Variants in SLC1A2 observed in about 807,000 individuals in gnomAD.
SLC1A2 encodes solute carrier family 1 member 2, also known as excitatory amino acid transporter 2.
Under a neutral mutation model 48.8 loss-of-function variants are expected in SLC1A2, and 15 were observed. That is an observed-to-expected ratio of 0.31 (90% CI 0.21 to 0.47). SLC1A2 has a LOEUF of 0.47. Among genes scored for constraint, SLC1A2 ranks in the 20% least tolerant of loss-of-function variants. The pLI is 0.99. For missense variants in SLC1A2, 502 were observed against 730.5 expected, an observed-to-expected ratio of 0.69 and a Z score of 3.61; for synonymous variants, 279 against 272.6, an observed-to-expected ratio of 1.02 and a Z score of -0.23.
At chr11:35,309,298 C>G (rs548042406) in intron 4 of SLC1A2, among the ~76,000 whole-genome samples, 1 of 152,314 alleles carries the variant, frequency 6.6e-6, no homozygotes, top group East Asian at 1.9e-4. Flanking sequence ...TCTCCTCCCC[C>G]CGTGGCATCC....
intron 1 of SLC1A2, among the ~76,000 whole-genome samples, chr11:35,340,303 T>A (rs180830055): frequency 1.8e-4 from 27 of 152,348 alleles, no homozygotes; most frequent in African/African-American, 6.5e-4. Flanking sequence ...ATCTGGGCAC[T>A]GCTGGAGCCA....
Position 35,254,606 on chromosome 11 carries a change from T to G in SLC1A2, c.*6288A>C. 3.1e-6 allele frequency: 1 copy of G among 326,188 alleles called. No homozygotes were observed. The highest frequency in any genetic ancestry group is 2.4e-5 in the South Asian group (1 of 41,662). 20.2% of individuals were successfully genotyped at this position (326,188 alleles called of 1,614,324 possible). A position where few individuals can be genotyped will look rare whatever the true frequency, so the allele number is the denominator to read the frequency against. ...AACAGTGCCCCAGAAGGAGTGAGGC[T>G]CCGACTGCAACATCTCCATCTCCAG... On this transcript the variant is annotated 3_prime_UTR_variant, in exon 11 of 11. Transcript: ENST00000278379.
chr11:35,268,662 CAA>C (rs56207184), intron 9 of SLC1A2, among the ~76,000 whole-genome samples: 10 of 94,460 alleles, frequency 1.1e-4, no homozygotes, highest in Admixed American at 1.1e-4. Context: ...GACTCTGCCT[CAA>C]AAAAAAAAAA....
intron 1 of SLC1A2, among the ~76,000 whole-genome samples, chr11:35,352,672 A>T (rs997063869): frequency 3.3e-5 from 5 of 152,024 alleles, no homozygotes; most frequent in African/African-American, 1.2e-4. Context: ...GTCTCAGGGC[A>T]TGCTCACTGC....
intron 7 of SLC1A2, among the ~76,000 whole-genome samples, chr11:35,287,669 G>T (rs973266904): frequency 1.3e-5 from 2 of 152,136 alleles, no homozygotes; most frequent in Non-Finnish European, 2.9e-5. Context: ...CTCCTCCCAG[G>T]CCTGGGATGT....
chr11:35,302,081 G>C (rs1323312446), intron 5 of SLC1A2, among the ~76,000 whole-genome samples: 1 of 152,162 alleles, frequency 6.6e-6, no homozygotes, highest in Admixed American at 6.5e-5. Flanking sequence ...TAAATTCTTT[G>C]CTAGAGTTAC....
chr11:35,384,923 T>C (rs149189647), intron 1 of SLC1A2, among the ~76,000 whole-genome samples: 1,753 of 152,314 alleles, frequency 0.012, 17 homozygotes, highest in Non-Finnish European at 0.015. Flanking sequence ...CCCTACACAA[T>C]TGTGTACCCA....
rs527449317 is a variant in SLC1A2 at position 35,301,755 on chromosome 11, C to T, written c.731-110G>A. ...GGAGCCATGTTCTCACTGCTGGTTA[C>T]CCTATGAATTAGACATTAAAAGAAC... On this transcript the variant is annotated intron_variant, in intron 5 of 10. Coordinates refer to ENST00000278379, the MANE Select transcript of SLC1A2 (RefSeq NM_004171.4). 3 of 956,086 alleles carry T rather than the reference C, an allele frequency of 3.1e-6. No homozygotes were observed. The East Asian group carries it at 7.6e-5, about 24-fold the overall frequency. The allele number at this position is 956,086 out of a possible 1,614,324, so 59.2% of individuals were successfully genotyped here.
intron 1 of SLC1A2, chr11:35,322,629 G>A (rs906590973): frequency 3.3e-6 from 5 of 1,535,000 alleles, no homozygotes; most frequent in African/African-American, 2.7e-5. Flanking sequence ...GAGAGGTACT[G>A]GGGAGATAAA....
At chr11:35,314,780 CTTTTCTTTTTTTTT>C (rs1383165848) in intron 3 of SLC1A2, among the ~76,000 whole-genome samples, 7 of 87,488 alleles carry the variant, frequency 8.0e-5, no homozygotes, top group Non-Finnish European at 1.3e-4. Context: ...GTTTCCTTTT[CTTTTCTTTTTTTTT>C]TTTTCTTTTT....
upstream of SLC1A2, chr11:35,419,926 G>T (rs780604877): frequency 1.5e-5 from 7 of 469,436 alleles, no homozygotes; most frequent in Non-Finnish European, 3.1e-5. This position sits in a 1 kb window ranked among gnomAD's most constrained non-coding sequence, Gnocchi z 5.4. Flanking sequence ...TCACAGGCAG[G>T]CACACCCACC....
intron 1 of SLC1A2, chr11:35,322,951 C>A: frequency 3.3e-6 from 2 of 598,428 alleles, no homozygotes; most frequent in Non-Finnish European, 5.9e-6. Context: ...TCCTGTAAGA[C>A]CTGCCTTAAC....
In SLC1A2 at chr11:35,419,098, C is replaced by A. The variant is rs906548249; in HGVS notation, c.-132G>T. ...AGGAGCCTCTGCCCGCCCTTCCACC[C>A]GCCTCCGGGGTAAGCCCTTTAGCGC... On this transcript the variant is annotated 5_prime_UTR_variant, in exon 1 of 11. Transcript: ENST00000278379. The surrounding 1 kb of genome is among the most constrained non-coding windows in gnomAD (Gnocchi z 5.4). 2.7e-5 allele frequency: 20 copies of A among 727,464 alleles called. No homozygotes were observed. The highest frequency in any genetic ancestry group is 2.6e-4 in the African/African-American group (14 of 53,658). 45.1% of individuals were successfully genotyped at this position (727,464 alleles called of 1,614,324 possible). A position where few individuals can be genotyped will look rare whatever the true frequency, so the allele number is the denominator to read the frequency against.
chr11:35,395,157 G>A (rs757591314), intron 1 of SLC1A2, among the ~76,000 whole-genome samples: 5 of 152,096 alleles, frequency 3.3e-5, no homozygotes, highest in South Asian at 2.1e-4. Context: ...AGTTTGCCCC[G>A]TGGAGGACTG....
At chr11:35,343,301 G>A (rs571590074) in intron 1 of SLC1A2, among the ~76,000 whole-genome samples, 2 of 152,328 alleles carry the variant, frequency 1.3e-5, no homozygotes, top group South Asian at 4.1e-4. Flanking sequence ...GTTTCACCTA[G>A]GACCTCATTA....
At chr11:35,402,447 G>A (rs147583548) in intron 1 of SLC1A2, among the ~76,000 whole-genome samples, 1 of 152,294 alleles carries the variant, frequency 6.6e-6, no homozygotes, top group African/African-American at 2.4e-5. Flanking sequence ...TGAAAGCTCC[G>A]AGCCCTTCCC....
chr11:35,280,276 C>G, intron 9 of SLC1A2: 1 of 152,284 alleles, frequency 6.6e-6, no homozygotes, highest in Non-Finnish European at 1.5e-5. Flanking sequence ...ATTCTCCTGC[C>G]TCCGCCTCTT....
chr11:35,276,569 G>T (rs1383049902), intron 9 of SLC1A2, among the ~76,000 whole-genome samples: 1 of 152,212 alleles, frequency 6.6e-6, no homozygotes, highest in East Asian at 1.9e-4. Flanking sequence ...GGGTGATCTG[G>T]GAGGGCCCAG....
At chr11:35,329,400 T>C (rs1852356737) in intron 1 of SLC1A2, among the ~76,000 whole-genome samples, 1 of 152,212 alleles carries the variant, frequency 6.6e-6, no homozygotes, top group Non-Finnish European at 1.5e-5. Context: ...AGTTCATCGC[T>C]TGTGATAAAT....
Sources: gnomAD v4.1 joint callset for allele counts (sites outside exome capture counted in the v4.1 genomes callset) on GRCh38, gnomAD v4.1.1 for gene constraint, Gnocchi (gnomAD v3.1) non-coding constraint, MANE v1.5 for transcripts, NCBI Gene and HGNC (gene_info 2026-07-23, HGNC 2026-07-21) for gene names.